The following ARFIP1 variants were observed in gnomAD, a reference collection of about 807,000 sequenced individuals.
ARFIP1 encodes arfaptin-1.
ARFIP1 carries 24 observed loss-of-function variants against 42.5 expected under a neutral mutation model. The observed-to-expected ratio is 0.57, with a 90% CI of 0.41 to 0.80. ARFIP1 has a LOEUF of 0.80. ARFIP1 is among the 30% of genes least tolerant of loss of function. The probability of loss-of-function intolerance (pLI) is 0.00; values close to 1 mark genes in which losing one functional copy is unlikely to be tolerated. For missense variants in ARFIP1, 354 were observed against 434.0 expected (o/e 0.82, Z 1.64); for synonymous variants, 141 against 153.7 (o/e 0.92, Z 0.61).
At chr4:152,877,142 T>G (rs1380246425) in intron 5 of ARFIP1, among the ~76,000 whole-genome samples, 8 of 152,140 alleles carry the variant, frequency 5.3e-5, no homozygotes, top group Admixed American at 5.2e-4. Context: ...GCCACCATCC[T>G]GCAGACCCCT....
chr4:152,796,151 G>C, intron 1 of ARFIP1: 1 of 749,116 alleles, frequency 1.3e-6, no homozygotes. Context: ...TTGCCTCCCT[G>C]TGTCACAAGG....
intron 2 of ARFIP1, among the ~76,000 whole-genome samples, chr4:152,860,045 A>G (rs559664238): frequency 4.6e-5 from 7 of 152,274 alleles, no homozygotes; most frequent in African/African-American, 1.7e-4. Flanking sequence ...TCAGTTTTAC[A>G]TATAAGAAAA....
chr4:152,793,327 G>GAT (rs915022932), intron 1 of ARFIP1, among the ~76,000 whole-genome samples: 4,070 of 143,666 alleles, frequency 0.028, 99 homozygotes, highest in South Asian at 0.12. Flanking sequence ...AAAAAAAAAT[G>GAT]ATATATATAT....
chr4:152,841,283 C>T (rs559615998), intron 2 of ARFIP1, among the ~76,000 whole-genome samples: 30 of 152,182 alleles, frequency 2.0e-4, no homozygotes, highest in Non-Finnish European at 3.8e-4. Context: ...ATCCGCCCCC[C>T]TCAGCCTCCC....
At chr4:152,856,228 T>C (rs1397613290) in intron 2 of ARFIP1, among the ~76,000 whole-genome samples, 1 of 152,194 alleles carries the variant, frequency 6.6e-6, no homozygotes, top group African/African-American at 2.4e-5. Flanking sequence ...ATATCTCTTT[T>C]CCAGAAATTT....
At chr4:152,827,517 T>C (rs945336783) in intron 1 of ARFIP1, among the ~76,000 whole-genome samples, 50 of 152,342 alleles carry the variant, frequency 3.3e-4, no homozygotes, top group African/African-American at 1.2e-3. Flanking sequence ...CACTGTAGTA[T>C]ACAGAAAAGT....
chr4:152,808,284 T>A (rs1194629817), intron 1 of ARFIP1, among the ~76,000 whole-genome samples: 1 of 63,048 alleles, frequency 1.6e-5, no homozygotes, highest in Non-Finnish European at 3.0e-5. Context: ...CTGGCCTCCA[T>A]TTTTTTTTTT....
intron 1 of ARFIP1, among the ~76,000 whole-genome samples, chr4:152,826,489 G>T (rs1434570337): frequency 6.6e-6 from 1 of 152,086 alleles, no homozygotes; most frequent in East Asian, 1.9e-4. Flanking sequence ...GGGTGCTGGG[G>T]AGTGAGGGAT....
rs1731488017 is a variant in ARFIP1, at chr4:152,796,660, T to A, written c.-10+16434T>A. 3 of 885,508 alleles carry A rather than the reference T, an allele frequency of 3.4e-6. No homozygotes were observed. In the Admixed American group the frequency reaches 6.2e-5, roughly 18 times the overall value. 54.9% of individuals were successfully genotyped at this position (885,508 alleles called of 1,614,324 possible). ...ATGCATCTTGATGGTCTTTTTTATT[T>A]GTATTTTCTCAGCATGGCGCTGTTT... On this transcript the variant is annotated intron_variant, in intron 1 of 8. Transcript: ENST00000353617.
Position 152,911,614 on chromosome 4 carries a change from A to AT in ARFIP1, c.*1396dup, listed in dbSNP as rs1738853828. The AT allele has an allele frequency of 6.6e-6, 1 of 152,536 alleles. No individual in the cohort carries two copies. The highest frequency in any genetic ancestry group is 2.4e-5 in the African/African-American group (1 of 41,466). The allele number at this position is 152,536 out of a possible 1,614,324, so 9.4% of individuals were successfully genotyped here. On this transcript the variant is annotated 3_prime_UTR_variant, in exon 9 of 9. Transcript: ENST00000353617. ...ACCTGTTCATTTCTTCTGTGTTGAA[A>AT]TGAAGTACTTAAAATTACCGTTATA...
At chr4:152,859,471 AT>A (rs1338713760) in intron 2 of ARFIP1, among the ~76,000 whole-genome samples, 1 of 152,204 alleles carries the variant, frequency 6.6e-6, no homozygotes, top group Non-Finnish European at 1.5e-5. Flanking sequence ...TTTATTGAAT[AT>A]AGAGTGATGT....
chr4:152,813,680 C>A (rs1364709188), intron 1 of ARFIP1, among the ~76,000 whole-genome samples: 1 of 152,046 alleles, frequency 6.6e-6, no homozygotes, highest in African/African-American at 2.4e-5. Flanking sequence ...ATCTTACAAC[C>A]TTTTAGGTCC....
intron 3 of ARFIP1, among the ~76,000 whole-genome samples, chr4:152,866,672 C>A (rs1411369054): frequency 2.0e-5 from 3 of 152,008 alleles, no homozygotes; most frequent in Non-Finnish European, 4.4e-5. Flanking sequence ...GGGTGGCTGC[C>A]AGGCGGAGAC....
intron 2 of ARFIP1, among the ~76,000 whole-genome samples, chr4:152,835,333 G>GT (rs2149851091): frequency 6.6e-6 from 1 of 152,322 alleles, no homozygotes; most frequent in African/African-American, 2.4e-5. Flanking sequence ...ATGCTTTGCT[G>GT]TTTAGAAATT....
intron 1 of ARFIP1, among the ~76,000 whole-genome samples, chr4:152,785,553 T>C (rs1730752067): frequency 1.3e-5 from 2 of 152,252 alleles, no homozygotes; most frequent in African/African-American, 2.4e-5. Flanking sequence ...TCTTCCCGCC[T>C]TGGCCTCCCA....
At chr4:152,786,273 T>G (rs1730803883) in intron 1 of ARFIP1, among the ~76,000 whole-genome samples, 1 of 152,232 alleles carries the variant, frequency 6.6e-6, no homozygotes, top group Non-Finnish European at 1.5e-5. Context: ...TTGACATCCT[T>G]TCTTGAATAT....
At chr4:152,788,797 A>G (rs1212323668) in intron 1 of ARFIP1, among the ~76,000 whole-genome samples, 2 of 138,852 alleles carry the variant, frequency 1.4e-5, no homozygotes, top group Admixed American at 8.3e-5. Flanking sequence ...CTTTTCCCCA[A>G]TGTCTTTTTT....
At chr4:152,844,557 G>A (rs1323577136) in intron 2 of ARFIP1, among the ~76,000 whole-genome samples, 2 of 151,966 alleles carry the variant, frequency 1.3e-5, no homozygotes, top group African/African-American at 4.8e-5. Context: ...GAAAACATAG[G>A]TTGTCTTGGT....
intron 8 of ARFIP1, among the ~76,000 whole-genome samples, chr4:152,900,890 C>T (rs1174662988): frequency 2.0e-5 from 3 of 152,204 alleles, no homozygotes; most frequent in Non-Finnish European, 4.4e-5. Context: ...TATTTTTGTA[C>T]ATTTAATATA....
Sources: gnomAD v4.1 joint callset for allele counts (sites outside exome capture counted in the v4.1 genomes callset) on GRCh38, gnomAD v4.1.1 for gene constraint, MANE v1.5 for transcripts, NCBI Gene and HGNC (gene_info 2026-07-23, HGNC 2026-07-21) for gene names.